ALG10B: variants seen among roughly 807,000 people sequenced by gnomAD.
ALG10B encodes ALG10 alpha-1,2-glucosyltransferase B, also known as dol-P-Glc:Glc(2)Man(9)GlcNAc(2)-PP-Dol alpha-1,2-glucosyltransferase B.
Under a neutral mutation model 38.7 loss-of-function variants are expected in ALG10B, and 27 were observed. The observed-to-expected ratio is 0.70, with a 90% CI of 0.51 to 0.96. ALG10B has a LOEUF of 0.96. ALG10B is among the 40% of genes least tolerant of loss of function. The pLI is 0.00. For missense variants in ALG10B, 522 were observed against 542.7 expected, an observed-to-expected ratio of 0.96 and a Z score of 0.38; for synonymous variants, 177 against 193.3, an observed-to-expected ratio of 0.92 and a Z score of 0.70.
chr12:38,327,174 G>T lies in ALG10B; in HGVS notation c.*5961G>T, dbSNP rs1945752245. On this transcript the variant is annotated 3_prime_UTR_variant, in exon 3 of 3. Transcript: ENST00000308742. ...AGGGTGTCACTATGTTGTGTGGGCTGGTCTCAAAACACCTGCCTCAAGTGA... is the reference window on the plus strand; with the variant it reads ...AGGGTGTCACTATGTTGTGTGGGCTTGTCTCAAAACACCTGCCTCAAGTGA... 6.8e-6 allele frequency: 1 copy of T among 147,386 alleles called. No individual in the cohort carries two copies. Among genetic ancestry groups the T allele is most frequent in the Non-Finnish European group, 1.5e-5 (1 of 67,370 alleles). The allele number at this position is 147,386 out of a possible 1,614,324, so 9.1% of individuals were successfully genotyped here.
chr12:38,320,102 T>C, intron 2 of ALG10B, 59 bp from the exon 3 acceptor site: 1 of 1,597,016 alleles, frequency 6.3e-7, no homozygotes, highest in South Asian at 1.1e-5. Flanking sequence ...CTTCATTAGG[T>C]AAGCAGAAAT....
rs147846597 is a variant in ALG10B, at chr12:38,324,096, G to C, written c.*2883G>C. 3 of 582,470 alleles carry C rather than the reference G, an allele frequency of 5.2e-6. No homozygotes were observed. Among genetic ancestry groups the C allele is most frequent in the South Asian group, 4.4e-5 (2 of 45,788 alleles). The allele number at this position is 582,470 out of a possible 1,614,324, so 36.1% of individuals were successfully genotyped here. Reference sequence around the variant, plus strand: ...CCCCCAGGCTGGAATGCAATGGCGCGATCTTGGCTCACTGAAACCTCCACC... The same window carrying C: ...CCCCCAGGCTGGAATGCAATGGCGCCATCTTGGCTCACTGAAACCTCCACC... On this transcript the variant is annotated 3_prime_UTR_variant, in exon 3 of 3. Coordinates refer to ENST00000308742, the MANE Select transcript of ALG10B (RefSeq NM_001013620.4).
At chr12:38,317,088 C>T (rs1363128185) in intron 1 of ALG10B, 24 bp downstream of exon 1, 5 of 1,613,986 alleles carry the variant, frequency 3.1e-6, no homozygotes, top group Middle Eastern at 1.7e-4. Flanking sequence ...CCTGTCCCCA[C>T]CCCAGGAGAG....
At chr12:38,319,899 C>T (rs542155356) in intron 2 of ALG10B, among the ~76,000 whole-genome samples, 1 of 152,122 alleles carries the variant, frequency 6.6e-6, no homozygotes, top group Non-Finnish European at 1.5e-5. Flanking sequence ...CTAATCATAG[C>T]CTGATTCAAA....
rs1945745913 is a variant in ALG10B at position 38,326,503 on chromosome 12, A to G, written c.*5290A>G. ...AGAAACTTTATACCCTATTAAGGGT[A>G]TAATTTCAAAATAATTGCTTTTTAT... On this transcript the variant is annotated 3_prime_UTR_variant, in exon 3 of 3. Transcript: ENST00000308742. 1 of 90,498 alleles carries G rather than the reference A, an allele frequency of 1.1e-5. No individual in the cohort carries two copies. Among genetic ancestry groups the G allele is most frequent in the Admixed American group, 1.2e-4 (1 of 8,090 alleles). The allele number at this position is 90,498 out of a possible 1,614,324, so 5.6% of individuals were successfully genotyped here.
Position 38,327,339 on chromosome 12 carries a change from G to A in ALG10B, c.*6126G>A, listed in dbSNP as rs1293419744. On this transcript the variant is annotated 3_prime_UTR_variant, in exon 3 of 3. Transcript: ENST00000308742. ...AGTTGAACCATATATGTGTGTGTAT[G>A]GCATATATAAGATGAAAAAAGGAGA... 1.3e-5 allele frequency: 2 copies of A among 151,858 alleles called. No homozygotes were observed. Among genetic ancestry groups the A allele is most frequent in the Non-Finnish European group, 2.9e-5 (2 of 67,994 alleles). 9.4% of individuals were successfully genotyped at this position (151,858 alleles called of 1,614,324 possible). A position where few individuals can be genotyped will look rare whatever the true frequency, so the allele number is the denominator to read the frequency against.
chr12:38,324,189 A>T lies in ALG10B; in HGVS notation c.*2976A>T. On this transcript the variant is annotated 3_prime_UTR_variant, in exon 3 of 3. Coordinates refer to ENST00000308742, the MANE Select transcript of ALG10B (RefSeq NM_001013620.4). The stretch of plus-strand genomic sequence containing the variant: ...CTGAGATTATAGGCGCCCACCACCA[A>T]GCCTGGCTAATTTTTTCTATTTTTA... The T allele has an allele frequency of 2.5e-6, 1 of 392,618 alleles. No homozygotes were observed. The allele number at this position is 392,618 out of a possible 1,614,324, so 24.3% of individuals were successfully genotyped here.
rs185804832 is a variant in ALG10B, at chr12:38,321,462, G to A, written c.*249G>A. ...AAATTGTTTTCAGATATCTCATATC[G>A]CTCTCGTAATGTTGGCCCCTCACAA... On this transcript the variant is annotated 3_prime_UTR_variant, in exon 3 of 3. Coordinates refer to ENST00000308742, the MANE Select transcript of ALG10B (RefSeq NM_001013620.4). 7.9e-4 allele frequency: 251 copies of A among 317,636 alleles called. 1 individual carries two copies. The highest frequency in any genetic ancestry group is 5.0e-3 in the African/African-American group (235 of 46,680). 19.7% of individuals were successfully genotyped at this position (317,636 alleles called of 1,614,324 possible). A position where few individuals can be genotyped will look rare whatever the true frequency, so the allele number is the denominator to read the frequency against.
At chr12:38,319,830 A>G (rs879576857) in intron 2 of ALG10B, among the ~76,000 whole-genome samples, 1 of 152,122 alleles carries the variant, frequency 6.6e-6, no homozygotes, top group Non-Finnish European at 1.5e-5. Flanking sequence ...ATTGTGTCCT[A>G]TTTATCTCCA....
rs1216035224 is a variant in ALG10B, at chr12:38,318,313, TG to T, written c.226del (p.Val76SerfsTer60). The T allele has an allele frequency of 6.2e-7, 1 of 1,614,018 alleles. No homozygotes were observed. The highest frequency in any genetic ancestry group is 8.5e-7 in the Non-Finnish European group (1 of 1,180,030). On this transcript the variant is annotated frameshift_variant, in exon 2 of 3. Transcript: ENST00000308742. LOFTEE classifies it high-confidence loss of function. ...GGCTTGTACCTGGTGTCAGTTGGAG[TG>T]GTCAAACCTGCCATTTGGATCTTTG... ...LPGLYLVSVG[V>X]VKPAIWIFAW...
At position 38,328,432 on chromosome 12, in the gene ALG10B, C is replaced by G. The variant is rs74849434; in HGVS notation, c.*7219C>G. The G allele has an allele frequency of 3.3e-5, 5 of 152,076 alleles. No individual in the cohort carries two copies. The highest frequency in any genetic ancestry group is 6.5e-5 in the Admixed American group (1 of 15,284). The allele number at this position is 152,076 out of a possible 1,614,324, so 9.4% of individuals were successfully genotyped here. A position where few individuals can be genotyped will look rare whatever the true frequency, so the allele number is the denominator to read the frequency against. ...TTATCCCTCTATATTCGTGAAATTA[C>G]TTCTATTTGAAAAGTTTTCCGCCAG... On this transcript the variant is annotated 3_prime_UTR_variant, in exon 3 of 3. Transcript: ENST00000308742.
In ALG10B at chr12:38,320,765, T is replaced by A. The variant is rs771963756; in HGVS notation, c.974T>A (p.Leu325Gln). ...TCCTTAGTTTGGAAACATGGAATTC[T>A]GTTTTTGGTGGTTACCTTAGTCTCT... ...FLSLVWKHGILFLVVTLVSVF... is the reference protein window; with the variant it reads ...FLSLVWKHGIQFLVVTLVSVF... The change falls in exon 3 of 3, where the codon CTG becomes CAG. Residue 325 changes from leucine (L) to glutamine (Q), a missense_variant. Transcript: ENST00000308742. 1.5e-5 allele frequency: 25 copies of A among 1,613,944 alleles called. No homozygotes were observed. The African/African-American group carries it at 3.1e-4, about 20-fold the overall frequency.
rs1042832794 is a variant in ALG10B at position 38,321,882 on chromosome 12, T to C, written c.*669T>C. The C allele has an allele frequency of 2.0e-5, 3 of 152,424 alleles. No individual in the cohort carries two copies. Among genetic ancestry groups the C allele is most frequent in the Non-Finnish European group, 4.4e-5 (3 of 68,024 alleles). The allele number at this position is 152,424 out of a possible 1,614,324, so 9.4% of individuals were successfully genotyped here. A position where few individuals can be genotyped will look rare whatever the true frequency, so the allele number is the denominator to read the frequency against. Reference sequence around the variant, plus strand: ...TTTCACTAATTCCTAATATGAAATGTATGATGGCCAAAGACAAATTGTGTT... The same window carrying C: ...TTTCACTAATTCCTAATATGAAATGCATGATGGCCAAAGACAAATTGTGTT... On this transcript the variant is annotated 3_prime_UTR_variant, in exon 3 of 3. Transcript: ENST00000308742.
Position 38,326,630 on chromosome 12 carries a change from T to A in ALG10B, c.*5417T>A, listed in dbSNP as rs1267300219. The A allele has an allele frequency of 1.3e-5, 2 of 151,412 alleles. No individual in the cohort carries two copies. Among genetic ancestry groups the A allele is most frequent in the Non-Finnish European group, 2.9e-5 (2 of 67,886 alleles). 9.4% of individuals were successfully genotyped at this position (151,412 alleles called of 1,614,324 possible). ...ATTTAAAGGTAAAAGACATTTCAAC[T>A]AATTACAAATACTTTGTTTTTTTTA... On this transcript the variant is annotated 3_prime_UTR_variant, in exon 3 of 3. Transcript: ENST00000308742.
intron 2 of ALG10B, among the ~76,000 whole-genome samples, chr12:38,319,535 A>C (rs1180489101): frequency 6.6e-6 from 1 of 152,208 alleles, no homozygotes; most frequent in Non-Finnish European, 1.5e-5. Context: ...TATACAATTC[A>C]AGAACATAAG....
At position 38,322,006 on chromosome 12, in the gene ALG10B, C is replaced by T. The variant is rs1025525744; in HGVS notation, c.*793C>T. The stretch of plus-strand genomic sequence containing the variant: ...AAATGACCACAAACTTGGGTGCTTA[C>T]AACAATTTTCCTCACAGTCTGGAGG... On this transcript the variant is annotated 3_prime_UTR_variant, in exon 3 of 3. Coordinates refer to ENST00000308742, the MANE Select transcript of ALG10B (RefSeq NM_001013620.4). The T allele has an allele frequency of 1.3e-5, 2 of 152,198 alleles. No homozygotes were observed. The highest frequency in any genetic ancestry group is 4.8e-5 in the African/African-American group (2 of 41,458). The allele number at this position is 152,198 out of a possible 1,614,324, so 9.4% of individuals were successfully genotyped here. A position where few individuals can be genotyped will look rare whatever the true frequency, so the allele number is the denominator to read the frequency against.
At chr12:38,316,696 TA>T, upstream of ALG10B, 3 of 836,866 alleles carry the variant, frequency 3.6e-6, no homozygotes, top group South Asian at 3.0e-5. Context: ...GTCCGTTATC[TA>T]AACCCGTCAC....
chr12:38,318,432 T>C lies in ALG10B; in HGVS notation c.343T>C (p.Phe115Leu). 6.2e-7 allele frequency: 1 copy of C among 1,614,200 alleles called. No individual in the cohort carries two copies. Among genetic ancestry groups the C allele is most frequent in the Non-Finnish European group, 8.5e-7 (1 of 1,180,022 alleles). The stretch of plus-strand genomic sequence containing the variant: ...CAACTTCTATTTACTATATTTGCTT[T>C]TCCACAAGGTACAACCCAGAAACAA... ...VGNFYLLYLL[F>L]HKVQPRNKAA... The change falls in exon 2 of 3, where the codon TTC (phenylalanine) becomes CTC (leucine). Residue 115 changes from phenylalanine (F) to leucine (L), a missense_variant. Phe to Leu is a conservative substitution (Grantham distance 22, BLOSUM62 0). Transcript: ENST00000308742.
At chr12:38,320,069 G>T in intron 2 of ALG10B, 92 bp from the exon 3 acceptor site, 2 of 1,474,284 alleles carry the variant, frequency 1.4e-6, no homozygotes, top group Non-Finnish European at 1.9e-6. Context: ...GGTTTGAGTA[G>T]TTGAGTAGTT....
Sources: allele counts gnomAD v4.1 joint callset (sites outside exome capture counted in the v4.1 genomes callset), GRCh38; gene constraint gnomAD v4.1.1; transcripts MANE v1.5; gene names NCBI Gene and HGNC (gene_info 2026-07-23, HGNC 2026-07-21).